Variants in NRG1 observed in about 807,000 individuals in gnomAD.
NRG1 encodes pro-neuregulin-1, membrane-bound isoform.
A neutral mutation model predicts 63.8 loss-of-function variants in NRG1; 18 were observed. The ratio of observed to expected loss-of-function variants is 0.28; its 90% confidence interval spans 0.19 to 0.42. The LOEUF is 0.42. NRG1 is among the 10% of genes least tolerant of loss of function. The pLI, the probability that NRG1 is intolerant of heterozygous loss-of-function variation, is 1.00. For missense variants in NRG1, 762 were observed against 814.7 expected (o/e 0.94, Z 0.79); for synonymous variants, 302 against 301.3 (o/e 1.00, Z -0.02).
chr8:32,356,474 A>ACCCCCCCCCCCCCCCCCCCGGC (rs11426642), intron 1 of NRG1, among the ~76,000 whole-genome samples: 11 of 69,324 alleles, frequency 1.6e-4, no homozygotes, highest in South Asian at 5.4e-4. Context: ...CCTTGTTGGG[A>ACCCCCCCCCCCCCCCCCCCGGC]CCCCCCCCCC....
At chr8:32,028,300 A>G (rs892782271) in intron 1 of NRG1, among the ~76,000 whole-genome samples, 2 of 152,148 alleles carry the variant, frequency 1.3e-5, no homozygotes, top group South Asian at 4.1e-4. Flanking sequence ...GCATCTCAGA[A>G]TTAAACTGGT....
At chr8:32,195,817 T>C (rs545389950) in intron 1 of NRG1, among the ~76,000 whole-genome samples, 1 of 152,184 alleles carries the variant, frequency 6.6e-6, no homozygotes, top group Non-Finnish European at 1.5e-5. Flanking sequence ...TTGTTTAATA[T>C]ATTTAAGAAA....
chr8:32,230,654 T>C (rs1846826422), intron 1 of NRG1, among the ~76,000 whole-genome samples: 2 of 152,190 alleles, frequency 1.3e-5, no homozygotes, highest in Admixed American at 6.5e-5. Flanking sequence ...AGTCACGTCA[T>C]TGCAGTAAAA....
At chr8:31,641,470 G>T (rs866208092) in intron 1 of NRG1, among the ~76,000 whole-genome samples, 2 of 152,038 alleles carry the variant, frequency 1.3e-5, no homozygotes, top group African/African-American at 2.4e-5. Flanking sequence ...TGAAGAAGAA[G>T]AATTTTGGAA....
intron 1 of NRG1, among the ~76,000 whole-genome samples, chr8:32,284,022 G>GTAC (rs1219710189): frequency 6.6e-6 from 1 of 152,072 alleles, no homozygotes; most frequent in African/African-American, 2.4e-5. Flanking sequence ...TGACATAAAG[G>GTAC]TACTAGTTCT....
At chr8:32,545,666 T>C (rs1248280856), upstream of NRG1, among the ~76,000 whole-genome samples, 2 of 152,148 alleles carry the variant, frequency 1.3e-5, no homozygotes, top group Non-Finnish European at 2.9e-5. Context: ...TGGACATTTA[T>C]TTGGTTAATC....
At chr8:32,752,550 C>G (rs1339005758) in intron 7 of NRG1, among the ~76,000 whole-genome samples, 1 of 152,164 alleles carries the variant, frequency 6.6e-6, no homozygotes, top group Non-Finnish European at 1.5e-5. Flanking sequence ...ATGACCCTTC[C>G]AACTTTGCAT....
chr8:31,732,796 G>A (rs1814230180), intron 1 of NRG1, among the ~76,000 whole-genome samples: 2 of 152,124 alleles, frequency 1.3e-5, no homozygotes, highest in African/African-American at 4.8e-5. Flanking sequence ...TCAGGAGGCT[G>A]AGGCAGGAGA....
chr8:31,886,835 T>G (rs1009418996), intron 1 of NRG1, among the ~76,000 whole-genome samples: 30 of 152,088 alleles, frequency 2.0e-4, no homozygotes, highest in African/African-American at 6.0e-4. Flanking sequence ...AACCTGTCAC[T>G]AAGCTTTTGA....
chr8:32,553,543 G>A (rs992135384), intron 1 of NRG1, among the ~76,000 whole-genome samples: 15 of 152,236 alleles, frequency 9.9e-5, no homozygotes, highest in Middle Eastern at 3.4e-3. Context: ...AAAGTAGAGT[G>A]AGGTGCAACA....
rs188958315 is a variant in NRG1, at chr8:32,142,193, T to C, written c.38-453635T>C. On this transcript the variant is annotated intron_variant, in intron 1 of 10. Transcript: ENST00000519301. ...GAGGGATGGGTATCTGGTGGGTCTC[T>C]TCAGTCAGCTCATCTCAGCATGTTG... Among the ~76,000 whole-genome samples the C allele has an allele frequency of 2.0e-5, 3 of 152,320 alleles. No individual in the cohort carries two copies. The East Asian group carries it at 5.8e-4, about 29-fold the overall frequency.
intron 1 of NRG1, among the ~76,000 whole-genome samples, chr8:31,988,721 C>T (rs1810511203): frequency 6.6e-6 from 1 of 151,954 alleles, no homozygotes; most frequent in African/African-American, 2.4e-5. Context: ...GCAGTGAGGC[C>T]AGAGATCCAC....
chr8:32,643,520 G>A (rs767167868), intron 5 of NRG1, among the ~76,000 whole-genome samples: 9 of 152,168 alleles, frequency 5.9e-5, no homozygotes, highest in Non-Finnish European at 1.2e-4. Context: ...GAGCCATCTT[G>A]AACGTTTCCA....
At chr8:31,957,914 A>G (rs1350435673) in intron 1 of NRG1, among the ~76,000 whole-genome samples, 3 of 152,190 alleles carry the variant, frequency 2.0e-5, no homozygotes, top group African/African-American at 7.2e-5. Flanking sequence ...TGAGTTGACT[A>G]CCTACCTCAC....
chr8:32,177,530 C>T (rs1840922875), intron 1 of NRG1, among the ~76,000 whole-genome samples: 1 of 151,830 alleles, frequency 6.6e-6, no homozygotes, highest in African/African-American at 2.4e-5. Flanking sequence ...TGTCCTAATG[C>T]TCTGCCTCCC....
chr8:31,734,626 A>AAT (rs1342117450), intron 1 of NRG1, among the ~76,000 whole-genome samples: 4 of 152,212 alleles, frequency 2.6e-5, no homozygotes, highest in Admixed American at 2.6e-4. Flanking sequence ...TTCAGTCTTA[A>AAT]ACTTCAGCAC....
intron 1 of NRG1, among the ~76,000 whole-genome samples, chr8:31,974,030 C>T (rs535520487): frequency 1.3e-5 from 2 of 152,146 alleles, no homozygotes; most frequent in Non-Finnish European, 2.9e-5. Context: ...TTCAAACTGT[C>T]GCTCTTTTGT....
chr8:32,567,758 T>A (rs932537001), intron 1 of NRG1, among the ~76,000 whole-genome samples: 1 of 152,262 alleles, frequency 6.6e-6, no homozygotes, highest in Non-Finnish European at 1.5e-5. Context: ...TGAAGTGTCT[T>A]AAGGCGTGTG....
chr8:32,622,596 T>C (rs1848534469), intron 5 of NRG1, among the ~76,000 whole-genome samples: 1 of 152,048 alleles, frequency 6.6e-6, no homozygotes, highest in Non-Finnish European at 1.5e-5. Flanking sequence ...GGTTTCGCCA[T>C]GTTCCCCACA....
Sources: gnomAD v4.1 joint callset for allele counts (sites outside exome capture counted in the v4.1 genomes callset) on GRCh38, gnomAD v4.1.1 for gene constraint, MANE v1.5 for transcripts, NCBI Gene and HGNC (gene_info 2026-07-23, HGNC 2026-07-21) for gene names.